Variants in VPS37A observed in about 807,000 individuals in gnomAD.
VPS37A encodes VPS37A subunit of ESCRT-I, also known as vacuolar protein sorting-associated protein 37A.
Under a neutral mutation model 49.8 loss-of-function variants are expected in VPS37A, and 30 were observed. The observed-to-expected ratio is 0.60, with a 90% confidence interval of 0.45 to 0.82. The LOEUF (loss-of-function observed/expected upper bound fraction) is 0.82, where lower values mean the gene tolerates loss of function less well. VPS37A is among the 40% of genes least tolerant of loss of function. VPS37A has a pLI of 0.00. For synonymous variants in VPS37A, 195 were observed against 160.6 expected (o/e 1.21, Z -1.62); for missense variants, 593 against 464.4 (o/e 1.28, Z -2.55).
intron 1 of VPS37A, among the ~76,000 whole-genome samples, chr8:17,260,879 C>T (rs1367708148): frequency 6.6e-6 from 1 of 152,108 alleles, no homozygotes; most frequent in Non-Finnish European, 1.5e-5. Context: ...TTTCTTTCCT[C>T]TTGCTGATTT....
intron 11 of VPS37A, among the ~76,000 whole-genome samples, chr8:17,288,746 T>A (rs1035125612): frequency 4.0e-5 from 6 of 151,744 alleles, no homozygotes; most frequent in African/African-American, 1.4e-4. Context: ...AGTAGTGGGA[T>A]CTGGGTCAAA....
chr8:17,304,167 C>T (rs1054015955), downstream of VPS37A, among the ~76,000 whole-genome samples: 2 of 152,094 alleles, frequency 1.3e-5, no homozygotes, highest in African/African-American at 4.8e-5. Flanking sequence ...AACATCACCT[C>T]CTGAAGAAAA....
At chr8:17,247,937 G>T in intron 1 of VPS37A, 1 of 601,392 alleles carries the variant, frequency 1.7e-6, no homozygotes, top group Non-Finnish European at 2.9e-6. Flanking sequence ...ACAGCGACCA[G>T]TGCATGTACA....
At chr8:17,302,353 G>A (rs1817173171), downstream of VPS37A, 2 of 1,502,410 alleles carry the variant, frequency 1.3e-6, no homozygotes, top group Admixed American at 2.2e-5. Context: ...AGTCTTCTAA[G>A]GTATCTATGA....
downstream of VPS37A, chr8:17,300,411 T>C (rs1817038551): frequency 1.6e-6 from 1 of 615,758 alleles, no homozygotes; most frequent in African/African-American, 1.8e-5. Flanking sequence ...GCTTTATCTC[T>C]AATGTAAGGA....
At chr8:17,274,541 CG>C (rs147107326) in intron 4 of VPS37A, among the ~76,000 whole-genome samples, 191 bp from the exon 5 acceptor site, 4 of 149,866 alleles carry the variant, frequency 2.7e-5, no homozygotes, top group African/African-American at 4.9e-5. Context: ...TCTTTTTTTT[CG>C]GGGGGGTGGG....
intron 11 of VPS37A, among the ~76,000 whole-genome samples, chr8:17,288,256 T>C (rs1201797231): frequency 6.6e-6 from 1 of 152,198 alleles, no homozygotes; most frequent in Non-Finnish European, 1.5e-5. Flanking sequence ...AGTTCTGGGA[T>C]ACATGTGCAG....
chr8:17,284,147 G>T (rs1356328038), intron 9 of VPS37A, among the ~76,000 whole-genome samples: 2 of 152,228 alleles, frequency 1.3e-5, no homozygotes, highest in Non-Finnish European at 2.9e-5. Flanking sequence ...ATACCAGGAG[G>T]TGAGGTCATT....
At position 17,297,873 on chromosome 8, in the gene VPS37A, A is replaced by G. The variant is rs191102314; in HGVS notation, c.*2887A>G. ...TCTAATAAGCAGACGAACATGTTAC[A>G]TAAATTATAATGTCTGTCTTGTAAA... is the stretch of plus-strand genomic sequence containing the variant. On this transcript the variant is annotated 3_prime_UTR_variant, in exon 12 of 12. Coordinates refer to ENST00000324849, the MANE Select transcript of VPS37A (RefSeq NM_152415.3). 1.5e-4 allele frequency: 23 copies of G among 152,204 alleles called. No individual in the cohort carries two copies. The highest frequency in any genetic ancestry group is 5.5e-4 in the African/African-American group (23 of 41,578). 9.4% of individuals were successfully genotyped at this position (152,204 alleles called of 1,614,324 possible).
intron 1 of VPS37A, among the ~76,000 whole-genome samples, chr8:17,261,223 A>T (rs1017860987): frequency 3.9e-5 from 6 of 151,980 alleles, no homozygotes; most frequent in Non-Finnish European, 8.8e-5. Flanking sequence ...AGGTTTACTG[A>T]TTGTTTCTTC....
At chr8:17,284,787 C>T (rs1242566292) in intron 10 of VPS37A, among the ~76,000 whole-genome samples, 171 bp downstream of exon 10, 1 of 152,032 alleles carries the variant, frequency 6.6e-6, no homozygotes, top group Admixed American at 6.6e-5. Flanking sequence ...TGGACTTGGG[C>T]AAAAACCAGG....
chr8:17,257,208 G>T (rs1812546705), intron 1 of VPS37A, among the ~76,000 whole-genome samples: 1 of 152,038 alleles, frequency 6.6e-6, no homozygotes, highest in African/African-American at 2.4e-5. Context: ...TATGTTCTTG[G>T]TGCTTTTGTT....
chr8:17,277,861 T>TACACACACAC (rs67718316), intron 6 of VPS37A, among the ~76,000 whole-genome samples: 168 of 140,988 alleles, frequency 1.2e-3, no homozygotes, highest in East Asian at 3.4e-3. Flanking sequence ...TTCTCTTTTA[T>TACACACACAC]ACACACACAC....
chr8:17,265,748 T>C (rs1216233131), intron 1 of VPS37A, 159 bp from the exon 2 acceptor site: 1 of 1,526,288 alleles, frequency 6.6e-7, no homozygotes, highest in South Asian at 1.2e-5. Flanking sequence ...TTTCTAACTA[T>C]GATCATTTTC....
In VPS37A at chr8:17,247,183, C is replaced by G. The variant is rs1354254908; in HGVS notation, c.-62C>G. On this transcript the variant is annotated 5_prime_UTR_variant, in exon 1 of 12. Coordinates refer to ENST00000324849, the MANE Select transcript of VPS37A (RefSeq NM_152415.3). Reference sequence around the variant, plus strand: ...CTCTGTCGCTGGAGAACCGCCGGGCCGAGCCACTGGGAGAAGCAGGCCAGA... The same window carrying G: ...CTCTGTCGCTGGAGAACCGCCGGGCGGAGCCACTGGGAGAAGCAGGCCAGA... The G allele has an allele frequency of 3.4e-5, 53 of 1,549,328 alleles. No individual in the cohort carries two copies. The East Asian group carries it at 1.2e-3, about 36-fold the overall frequency.
chr8:17,263,668 A>C (rs1246633285), intron 1 of VPS37A, among the ~76,000 whole-genome samples: 1 of 152,232 alleles, frequency 6.6e-6, no homozygotes, highest in African/African-American at 2.4e-5. Context: ...AAATCTGAAC[A>C]ATGTCTGAAA....
chr8:17,301,521 C>T (rs1035492027), downstream of VPS37A: 2 of 152,174 alleles, frequency 1.3e-5, no homozygotes, highest in African/African-American at 4.8e-5. Flanking sequence ...AAGAGAAAAT[C>T]TCAAATGCCA....
intron 5 of VPS37A, 84 bp downstream of exon 5, chr8:17,275,042 A>C (rs1814385450): frequency 1.1e-5 from 14 of 1,272,210 alleles, no homozygotes; most frequent in Non-Finnish European, 1.5e-5. Flanking sequence ...TCTGTGTGCC[A>C]GATAATAAGT....
downstream of VPS37A, chr8:17,305,624 A>C: frequency 1.4e-6 from 1 of 693,976 alleles, no homozygotes; most frequent in Non-Finnish European, 2.3e-6. Context: ...GAAAAAGAAA[A>C]TAAAACTAAT....
Sources: allele counts gnomAD v4.1 joint callset (sites outside exome capture counted in the v4.1 genomes callset), GRCh38; gene constraint gnomAD v4.1.1; transcripts MANE v1.5; gene names NCBI Gene and HGNC (gene_info 2026-07-23, HGNC 2026-07-21).